The following LRP5 variants were observed in gnomAD, a reference collection of about 807,000 sequenced individuals.
LRP5 encodes the protein LDL receptor related protein 5, also known as low-density lipoprotein receptor-related protein 5.
LRP5 carries 62 observed loss-of-function variants against 154.1 expected under a neutral mutation model. That is an observed-to-expected ratio of 0.40 (90% confidence interval 0.33 to 0.50). The LOEUF (loss-of-function observed/expected upper bound fraction) is 0.50. LRP5 is among the 20% of genes least tolerant of loss of function. The pLI is 0.55. For missense variants in LRP5, 1,915 were observed against 2,336.7 expected, an observed-to-expected ratio of 0.82 and a Z score of 3.72; for synonymous variants, 966 against 1,011.5, an observed-to-expected ratio of 0.96 and a Z score of 0.85.
At chr11:68,409,095 T>TATATATATAC (rs1311618305) in intron 9 of LRP5, among the ~76,000 whole-genome samples, 6 of 27,744 alleles carry the variant, frequency 2.2e-4, no homozygotes, top group Non-Finnish European at 2.5e-4. Flanking sequence ...TATATATATA[T>TATATATATAC]ACACACACAT....
chr11:68,386,285 AC>A lies in LRP5; in HGVS notation c.1016-27del. The A allele has an allele frequency of 6.2e-7, 1 of 1,607,456 alleles. No individual in the cohort carries two copies. The highest frequency in any genetic ancestry group is 8.5e-7 in the Non-Finnish European group (1 of 1,179,806). ...GACTTGTGCCTGCTGCAGGCCCTTG[AC>A]CCCTGACCCCATTGCACCTGTCTCC... On this transcript the variant is annotated intron_variant, in intron 5 of 22. Transcript: ENST00000294304. This position sits in a 1 kb window ranked among gnomAD's most constrained non-coding sequence, Gnocchi z 7.9.
chr11:68,347,833 C>G lies in LRP5; in HGVS notation c.92-14C>G, dbSNP rs2098614429. The stretch of plus-strand genomic sequence containing the variant: ...CTTAGCCAGTGGCCCTCACGGTTTG[C>G]TTCTGCCCCACAGCCTCGCCGCTCC... On this transcript the variant is annotated splice_polypyrimidine_tract_variant and intron_variant, in intron 1 of 22. Transcript: ENST00000294304. 2.5e-6 allele frequency: 4 copies of G among 1,612,772 alleles called. No individual in the cohort carries two copies. Among genetic ancestry groups the G allele is most frequent in the Non-Finnish European group, 3.4e-6 (4 of 1,179,956 alleles).
intron 1 of LRP5, among the ~76,000 whole-genome samples, chr11:68,343,434 C>G (rs2098610305): frequency 6.6e-6 from 1 of 152,024 alleles, no homozygotes. Context: ...AGGCCTGTGA[C>G]CCCAAGAACC....
intron 16 of LRP5, among the ~76,000 whole-genome samples, chr11:68,426,955 G>C (rs1416148533): frequency 1.3e-5 from 2 of 152,188 alleles, no homozygotes; most frequent in East Asian, 3.9e-4. Context: ...TCAGCTCCTA[G>C]AGGCCACCAC....
At chr11:68,397,555 G>A (rs2098650130) in intron 7 of LRP5, among the ~76,000 whole-genome samples, 1 of 152,196 alleles carries the variant, frequency 6.6e-6, no homozygotes, top group South Asian at 2.1e-4. Context: ...TTTCCAAATG[G>A]CGACACCTGG....
chr11:68,303,340 A>T, the LRP5 span, among the ~76,000 whole-genome samples: 1 of 152,156 alleles, frequency 6.6e-6, no homozygotes, highest in African/African-American at 2.4e-5. Flanking sequence ...TCAGATGGAA[A>T]TGAGGAACTT....
At chr11:68,397,972 T>TTGTGTGTGTGTGTG (rs113280059) in intron 7 of LRP5, among the ~76,000 whole-genome samples, 18,171 of 141,986 alleles carry the variant, frequency 0.13, 1,323 homozygotes, top group South Asian at 0.23. Context: ...CTGTGTGTGT[T>TTGTGTGTGTGTGTG]TGTGTGTGTG....
intron 5 of LRP5, among the ~76,000 whole-genome samples, chr11:68,369,980 AC>A (rs2098633162): frequency 1.3e-5 from 2 of 152,068 alleles, no homozygotes; most frequent in African/African-American, 4.8e-5. Context: ...TGTCACCATG[AC>A]CGGCGCCTTA....
At position 68,423,823 on chromosome 11, in the gene LRP5, C is replaced by A; in HGVS notation, c.3236+126C>A. 1 of 898,822 alleles carries A rather than the reference C, an allele frequency of 1.1e-6. No individual in the cohort carries two copies. The highest frequency in any genetic ancestry group is 1.7e-6 in the Non-Finnish European group (1 of 592,714). 55.7% of individuals were successfully genotyped at this position (898,822 alleles called of 1,614,324 possible). On this transcript the variant is annotated intron_variant, in intron 14 of 22. Transcript: ENST00000294304. The surrounding 1 kb of genome is among the most constrained non-coding windows in gnomAD (Gnocchi z 4.7). ...CCTGGGGATCCAATGGGTGGCTTTC[C>A]AGGGTCCCAAAAGCAAACACAGGCT...
chr11:68,414,153 A>G lies in LRP5; in HGVS notation c.2827+141A>G, dbSNP rs41478448. ...GTAGGTTGTGCACTGCACAAGCTGC[A>G]TGATGCTACCTGGGGGTCCAGGTCC... On this transcript the variant is annotated intron_variant, in intron 12 of 22. Coordinates refer to ENST00000294304, the MANE Select transcript of LRP5 (RefSeq NM_002335.4). The G allele has an allele frequency of 0.14, 113,418 of 814,014 alleles. 9,001 individuals are homozygous for G. The highest frequency in any genetic ancestry group is 0.23 in the East Asian group (8,697 of 37,584). 50.4% of individuals were successfully genotyped at this position (814,014 alleles called of 1,614,324 possible).
At chr11:68,324,475 G>T (rs1360024971) in intron 1 of LRP5, among the ~76,000 whole-genome samples, 1 of 152,192 alleles carries the variant, frequency 6.6e-6, no homozygotes, top group East Asian at 1.9e-4. Flanking sequence ...CTGGCCGAGG[G>T]CTCACGGATT....
chr11:68,372,411 CAGACCCGGGACCGTGGCGGCGAGGA>C, intron 5 of LRP5, among the ~76,000 whole-genome samples: 1 of 150,484 alleles, frequency 6.6e-6, no homozygotes, highest in African/African-American at 2.4e-5. Context: ...CAGTGTCAGG[CAGACCCGGGACCGTGGCGGCGAGGA>C]GGTGCAGCGT....
the LRP5 span, among the ~76,000 whole-genome samples, chr11:68,302,241 G>A: frequency 6.6e-6 from 1 of 151,254 alleles, no homozygotes; most frequent in Admixed American, 6.6e-5. Context: ...AGCTACTCAG[G>A]AGGCTGAGGC....
intron 9 of LRP5, among the ~76,000 whole-genome samples, chr11:68,407,686 C>CA (rs57876439): frequency 4.7e-5 from 7 of 148,488 alleles, no homozygotes; most frequent in Admixed American, 1.3e-4. Flanking sequence ...ACTAAAAATA[C>CA]AAAAAAAAAA....
In LRP5 at chr11:68,353,307, G is replaced by C. The variant is rs1315098957; in HGVS notation, c.489-4343G>C. Reference sequence around the variant, plus strand: ...CTCCCCACACCTTCCCTTTGCTCCAGTCATTTGAATGAGAGAGTGAAAACA... The same window carrying C: ...CTCCCCACACCTTCCCTTTGCTCCACTCATTTGAATGAGAGAGTGAAAACA... On this transcript the variant is annotated intron_variant, in intron 2 of 22. Transcript: ENST00000294304. The surrounding 1 kb of genome is among the most constrained non-coding windows in gnomAD (Gnocchi z 4.5). 6.6e-6 allele frequency among the ~76,000 whole-genome samples: 1 copy of C among 152,108 alleles called. No individual in the cohort carries two copies. The highest frequency in any genetic ancestry group is 1.5e-5 in the Non-Finnish European group (1 of 68,004).
At chr11:68,310,663 G>A (rs2153109512), upstream of LRP5, among the ~76,000 whole-genome samples, 1 of 151,230 alleles carries the variant, frequency 6.6e-6, no homozygotes, top group South Asian at 2.1e-4. Context: ...GCTGAGGTGG[G>A]AGGATTGCTT....
At chr11:68,421,818 T>TGTGTGTG (rs1398741735) in intron 13 of LRP5, among the ~76,000 whole-genome samples, 3 of 149,798 alleles carry the variant, frequency 2.0e-5, no homozygotes, top group Non-Finnish European at 4.5e-5. Context: ...TGTGTGCGCG[T>TGTGTGTG]GTGTGTGGTG....
At chr11:68,311,245 T>A (rs2098587618), upstream of LRP5, among the ~76,000 whole-genome samples, 1 of 152,204 alleles carries the variant, frequency 6.6e-6, no homozygotes, top group African/African-American at 2.4e-5. Flanking sequence ...TCTCGATTCC[T>A]CTTCCCCGCC....
intron 7 of LRP5, among the ~76,000 whole-genome samples, chr11:68,396,713 CCTGA>C (rs1192664096): frequency 8.5e-6 from 1 of 117,122 alleles, no homozygotes; most frequent in Non-Finnish European, 1.8e-5. Context: ...GCCCCAGCAG[CCTGA>C]CTGACACACA....
Sources: allele counts gnomAD v4.1 joint callset (sites outside exome capture counted in the v4.1 genomes callset), GRCh38; gene constraint gnomAD v4.1.1; non-coding constraint Gnocchi (gnomAD v3.1); transcripts MANE v1.5; gene names NCBI Gene and HGNC (gene_info 2026-07-23, HGNC 2026-07-21).